Variants in CEP128 observed in about 807,000 individuals in gnomAD.
The protein encoded by CEP128 is centrosomal protein 128.
Under a neutral mutation model 156.7 loss-of-function variants are expected in CEP128, and 132 were observed. That is an observed-to-expected ratio of 0.84 (90% CI 0.73 to 0.97). CEP128 has a LOEUF of 0.97. CEP128 is among the 50% of genes least tolerant of loss of function. The probability of loss-of-function intolerance (pLI) is 0.00; values close to 1 mark genes in which losing one functional copy is unlikely to be tolerated. For synonymous variants in CEP128, 469 were observed against 448.9 expected, an observed-to-expected ratio of 1.04 and a Z score of -0.57; for missense variants, 1,252 against 1,281.9, an observed-to-expected ratio of 0.98 and a Z score of 0.36.
chr14:80,948,946 A>C (rs1015358532), intron 2 of CEP128, among the ~76,000 whole-genome samples: 2 of 152,234 alleles, frequency 1.3e-5, no homozygotes, highest in Non-Finnish European at 2.9e-5. Flanking sequence ...AACTGTAGGC[A>C]TAAGAGTTTT....
intron 21 of CEP128, among the ~76,000 whole-genome samples, chr14:80,546,588 G>A (rs535320489): frequency 1.0e-3 from 152 of 152,302 alleles, no homozygotes; most frequent in African/African-American, 3.5e-3. Flanking sequence ...GTACTTCATA[G>A]AATCCACATA....
chr14:80,679,962 T>C (rs1013116062), intron 19 of CEP128, among the ~76,000 whole-genome samples: 1 of 152,168 alleles, frequency 6.6e-6, no homozygotes, highest in Admixed American at 6.5e-5. Context: ...AGAACCTACG[T>C]TGAAATATTG....
At chr14:80,777,795 T>C in intron 16 of CEP128, 87 bp downstream of exon 16, 1 of 1,071,500 alleles carries the variant, frequency 9.3e-7, no homozygotes, top group Non-Finnish European at 1.3e-6. Context: ...AGGACTACAA[T>C]TATCATTTGT....
chr14:80,825,008 T>C (rs12880075), intron 13 of CEP128, among the ~76,000 whole-genome samples: 62,321 of 151,990 alleles, frequency 0.41, 13,423 homozygotes, highest in Non-Finnish European at 0.47. Flanking sequence ...TCGCGGAAGG[T>C]GAAAGGCATG....
chr14:80,897,379 A>G (rs1185103045), intron 7 of CEP128, among the ~76,000 whole-genome samples: 5 of 152,150 alleles, frequency 3.3e-5, no homozygotes, highest in Admixed American at 6.5e-5. Flanking sequence ...ATGGTTCCAA[A>G]TGACACTTCT....
intron 19 of CEP128, among the ~76,000 whole-genome samples, chr14:80,712,779 A>G (rs1265126462): frequency 1.3e-5 from 2 of 152,148 alleles, no homozygotes; most frequent in Non-Finnish European, 2.9e-5. Flanking sequence ...TCTTTCAGAA[A>G]CACATCAGCT....
chr14:80,670,268 T>C (rs567979310), intron 19 of CEP128, among the ~76,000 whole-genome samples: 7 of 152,180 alleles, frequency 4.6e-5, no homozygotes, highest in Non-Finnish European at 8.8e-5. Context: ...ATAAAAAAGA[T>C]ACCTTTACTC....
intron 23 of CEP128, among the ~76,000 whole-genome samples, chr14:80,511,492 C>T (rs1888254687): frequency 1.3e-5 from 2 of 151,854 alleles, no homozygotes; most frequent in Admixed American, 1.3e-4. Context: ...GGTCTTTTCT[C>T]TGTTTTTCTT....
chr14:80,480,317 A>G (rs943187054), intron 14 of CEP128, among the ~76,000 whole-genome samples: 4 of 152,118 alleles, frequency 2.6e-5, no homozygotes, highest in African/African-American at 9.7e-5. Context: ...ACATCTTCTG[A>G]AATCTAGGCA....
At chr14:80,845,045 G>A (rs1369174178) in intron 9 of CEP128, among the ~76,000 whole-genome samples, 1 of 152,024 alleles carries the variant, frequency 6.6e-6, no homozygotes, top group Non-Finnish European at 1.5e-5. Flanking sequence ...CCTCACAGAA[G>A]GCTAACTAGA....
chr14:80,496,779 A>G lies in CEP128; in HGVS notation c.*700T>C, dbSNP rs1169858335. 1 of 152,216 alleles carries G rather than the reference A, an allele frequency of 6.6e-6. No individual in the cohort carries two copies. Among genetic ancestry groups the G allele is most frequent in the East Asian group, 1.9e-4 (1 of 5,196 alleles). 9.4% of individuals were successfully genotyped at this position (152,216 alleles called of 1,614,324 possible). A position where few individuals can be genotyped will look rare whatever the true frequency, so the allele number is the denominator to read the frequency against. The stretch of plus-strand genomic sequence containing the variant: ...TCCAGGATATGACTGAAGTGATCAC[A>G]GTAGGATATTTGGCCACAAAAAGAC... On this transcript the variant is annotated 3_prime_UTR_variant, in exon 25 of 25. Transcript: ENST00000555265.
chr14:80,696,519 A>G (rs1317617775), intron 19 of CEP128, among the ~76,000 whole-genome samples: 1 of 152,202 alleles, frequency 6.6e-6, no homozygotes, highest in Non-Finnish European at 1.5e-5. Context: ...AAGAGCTGAT[A>G]AAGGAGGTTG....
At chr14:80,766,699 T>C (rs1381182473) in intron 16 of CEP128, among the ~76,000 whole-genome samples, 1 of 152,128 alleles carries the variant, frequency 6.6e-6, no homozygotes, top group African/African-American at 2.4e-5. Flanking sequence ...CATGACTAAA[T>C]AAATCATTAA....
chr14:80,892,798 A>G (rs1374105714), intron 8 of CEP128, among the ~76,000 whole-genome samples: 1 of 151,986 alleles, frequency 6.6e-6, no homozygotes, highest in African/African-American at 2.4e-5. Flanking sequence ...ATCAAAAGGT[A>G]TTTAACATAA....
chr14:80,854,966 GA>G (rs900298653), intron 9 of CEP128, among the ~76,000 whole-genome samples: 11 of 150,170 alleles, frequency 7.3e-5, no homozygotes, highest in African/African-American at 2.0e-4. Context: ...GACAGTGAAA[GA>G]AAAAAAAATG....
exon 15 of CEP128, chr14:80,478,251 C>T (rs1181274550): frequency 6.6e-6 from 1 of 152,062 alleles, no homozygotes; most frequent in Non-Finnish European, 1.5e-5. Flanking sequence ...CATCTAATCC[C>T]ACCTGGCTGC....
chr14:80,769,837 A>G (rs1595372555), intron 16 of CEP128, among the ~76,000 whole-genome samples: 1 of 152,210 alleles, frequency 6.6e-6, no homozygotes, highest in South Asian at 2.1e-4. Context: ...ATGAAAAAAA[A>G]ACTCAATGAA....
At chr14:80,830,977 T>C (rs1758979181) in intron 13 of CEP128, 166 bp downstream of exon 13, 1 of 611,932 alleles carries the variant, frequency 1.6e-6, no homozygotes, top group Middle Eastern at 4.3e-4. Context: ...AATGAACCCA[T>C]AGGAATTTCT....
At chr14:80,477,525 TA>T (rs1241996106) in exon 15 of CEP128, 1 of 152,234 alleles carries the variant, frequency 6.6e-6, no homozygotes, top group Non-Finnish European at 1.5e-5. Context: ...TCTATACATC[TA>T]AACCACGATG....
Sources: gnomAD v4.1 joint callset for allele counts (sites outside exome capture counted in the v4.1 genomes callset) on GRCh38, gnomAD v4.1.1 for gene constraint, MANE v1.5 for transcripts, NCBI Gene and HGNC (gene_info 2026-07-23, HGNC 2026-07-21) for gene names.